Variants in MGAT5 observed in about 807,000 individuals in gnomAD.
MGAT5 encodes the protein alpha-1,6-mannosylglycoprotein 6-beta-N-acetylglucosaminyltransferase A.
In MGAT5, 30 loss-of-function variants were observed where a neutral mutation model predicts 94.3. The ratio of observed to expected loss-of-function variants is 0.32; its 90% CI spans 0.24 to 0.43. The LOEUF (loss-of-function observed/expected upper bound fraction) is 0.43. MGAT5 is among the 20% of genes least tolerant of loss of function. The probability of loss-of-function intolerance (pLI) is 1.00; values close to 1 mark genes in which losing one functional copy is unlikely to be tolerated. For missense variants in MGAT5, 691 were observed against 905.5 expected (o/e 0.76, Z 3.04); for synonymous variants, 310 against 322.9 (o/e 0.96, Z 0.43).
At chr2:134,328,541 C>T (rs1163258267) in intron 4 of MGAT5, among the ~76,000 whole-genome samples, 2 of 152,018 alleles carry the variant, frequency 1.3e-5, no homozygotes, top group Non-Finnish European at 2.9e-5. Context: ...TAAAGCGCCG[C>T]GTAAGTGGAA....
chr2:134,219,369 C>T (rs774687759), intron 1 of MGAT5, among the ~76,000 whole-genome samples: 1 of 151,482 alleles, frequency 6.6e-6, no homozygotes, highest in Non-Finnish European at 1.5e-5. Context: ...GGTGGGAAAA[C>T]CTGCTGTGAG....
intron 14 of MGAT5, among the ~76,000 whole-genome samples, chr2:134,437,702 T>C (rs969459879): frequency 1.3e-5 from 2 of 152,212 alleles, no homozygotes; most frequent in African/African-American, 4.8e-5. Flanking sequence ...GCAGAAGTTA[T>C]CCAGTTGCTC....
intron 1 of MGAT5, among the ~76,000 whole-genome samples, chr2:134,220,845 C>A (rs775377147): frequency 6.6e-6 from 1 of 152,186 alleles, no homozygotes; most frequent in Non-Finnish European, 1.5e-5. Context: ...CCTCATTGCT[C>A]ATTCTGATGG....
chr2:134,442,063 C>T, intron 15 of MGAT5, 148 bp downstream of exon 15: 1 of 866,838 alleles, frequency 1.2e-6, no homozygotes, highest in South Asian at 1.7e-5. Flanking sequence ...CAGCAGGATC[C>T]CCCTAGAGAG....
At chr2:134,267,494 C>T (rs1182829275) in intron 1 of MGAT5, among the ~76,000 whole-genome samples, 3 of 152,158 alleles carry the variant, frequency 2.0e-5, no homozygotes, top group African/African-American at 7.2e-5. Context: ...CCCTCCTCCT[C>T]ATTATGAATC....
intron 11 of MGAT5, among the ~76,000 whole-genome samples, chr2:134,406,286 C>T (rs939836420): frequency 2.0e-5 from 3 of 152,186 alleles, no homozygotes; most frequent in Non-Finnish European, 4.4e-5. Context: ...CAGTTGAAAA[C>T]AAATTCTGGT....
At chr2:134,260,347 T>G (rs1270218296) in intron 1 of MGAT5, among the ~76,000 whole-genome samples, 3 of 152,156 alleles carry the variant, frequency 2.0e-5, no homozygotes, top group African/African-American at 7.2e-5. Flanking sequence ...TGGTTGCTGG[T>G]TGGGGGCAGT....
At chr2:134,343,738 T>C (rs537192099) in intron 7 of MGAT5, among the ~76,000 whole-genome samples, 1 of 152,290 alleles carries the variant, frequency 6.6e-6, no homozygotes, top group African/African-American at 2.4e-5. Flanking sequence ...ATCAGCAAAC[T>C]ATGGCTCAGC....
chr2:134,124,810 C>A lies in MGAT5; in HGVS notation c.-143+4519C>A, dbSNP rs562706314. 5.3e-5 allele frequency among the ~76,000 whole-genome samples: 8 copies of A among 152,354 alleles called. No homozygotes were observed. The East Asian group carries it at 1.5e-3, about 29-fold the overall frequency. On this transcript the variant is annotated intron_variant, in intron 1 of 16. Transcript: ENST00000409645. ...TTCAAGGTTATCCCTAGAATAATAA[C>A]AGCCTCACTTATTTGCATCCCTTTG...
At chr2:134,130,028 C>G (rs780740369) in intron 1 of MGAT5, among the ~76,000 whole-genome samples, 1 of 152,198 alleles carries the variant, frequency 6.6e-6, no homozygotes, top group East Asian at 1.9e-4. Context: ...GCCCCGCACT[C>G]GGAGCGGCCG....
At chr2:134,190,896 G>A (rs924915110) in intron 1 of MGAT5, among the ~76,000 whole-genome samples, 1 of 152,088 alleles carries the variant, frequency 6.6e-6, no homozygotes, top group African/African-American at 2.4e-5. Context: ...TGATCTGCCC[G>A]TCTCGGCCTC....
intron 10 of MGAT5, among the ~76,000 whole-genome samples, chr2:134,364,270 C>G (rs929717540): frequency 1.3e-5 from 2 of 152,172 alleles, no homozygotes; most frequent in Non-Finnish European, 2.9e-5. Context: ...GAGGCTGAGG[C>G]GGGTGGATCA....
At chr2:134,379,082 G>A (rs1259752605) in intron 10 of MGAT5, among the ~76,000 whole-genome samples, 1 of 152,122 alleles carries the variant, frequency 6.6e-6, no homozygotes, top group Admixed American at 6.5e-5. Flanking sequence ...GGATGTCTCA[G>A]GCCTTCTGGC....
At chr2:134,134,811 T>A (rs1439321913) in intron 1 of MGAT5, among the ~76,000 whole-genome samples, 1 of 152,242 alleles carries the variant, frequency 6.6e-6, no homozygotes, top group East Asian at 1.9e-4. Flanking sequence ...CACAAAATGT[T>A]TCCTGTTACC....
At chr2:134,448,388 T>TC (rs1473571177) in intron 15 of MGAT5, among the ~76,000 whole-genome samples, 1 of 152,172 alleles carries the variant, frequency 6.6e-6, no homozygotes, top group African/African-American at 2.4e-5. Context: ...CCAGTTTTTC[T>TC]CCATTGCAGA....
At chr2:134,131,281 A>G (rs1024122077) in intron 1 of MGAT5, among the ~76,000 whole-genome samples, 2 of 152,244 alleles carry the variant, frequency 1.3e-5, no homozygotes, top group African/African-American at 4.8e-5. Context: ...TCATTCTTGA[A>G]GTCAATGAGA....
intron 1 of MGAT5, among the ~76,000 whole-genome samples, chr2:134,208,555 T>C (rs987915009): frequency 6.6e-6 from 1 of 152,212 alleles, no homozygotes; most frequent in Non-Finnish European, 1.5e-5. Flanking sequence ...GAGGATAGGA[T>C]ATGCCTTTAT....
chr2:134,170,059 C>T (rs1688133421), intron 1 of MGAT5, among the ~76,000 whole-genome samples: 1 of 152,172 alleles, frequency 6.6e-6, no homozygotes, highest in African/African-American at 2.4e-5. Context: ...GATGCACCAA[C>T]TAGGTGTTTA....
chr2:134,196,949 C>T (rs916780322), intron 1 of MGAT5, among the ~76,000 whole-genome samples: 1 of 152,200 alleles, frequency 6.6e-6, no homozygotes, highest in Non-Finnish European at 1.5e-5. Flanking sequence ...AGGGGATTTC[C>T]TAAAGTTGTG....
Sources: allele counts gnomAD v4.1 joint callset (sites outside exome capture counted in the v4.1 genomes callset), GRCh38; gene constraint gnomAD v4.1.1; transcripts MANE v1.5; gene names NCBI Gene and HGNC (gene_info 2026-07-23, HGNC 2026-07-21).